ZNF487: variants seen among roughly 807,000 people sequenced by gnomAD.
ZNF487 encodes KRAB domain only 1.
ZNF487 carries 4 observed loss-of-function variants against 3.0 expected under a neutral mutation model. The observed-to-expected ratio is 1.35, with a 90% CI of 0.66 to 3.08. The LOEUF (loss-of-function observed/expected upper bound fraction) is 3.08. Among genes scored for constraint, ZNF487 ranks in the 30% most tolerant of loss-of-function variants. The pLI is 0.01. For missense variants in ZNF487, 146 were observed against 98.7 expected (o/e 1.48, Z -2.03); for synonymous variants, 55 against 34.6 (o/e 1.59, Z -2.06).
chr10:43,518,689 A>G, the ZNF487 span, among the ~76,000 whole-genome samples: 1 of 152,184 alleles, frequency 6.6e-6, no homozygotes, highest in Non-Finnish European at 1.5e-5. Context: ...TAACATATCT[A>G]TTAGATGGAT....
chr10:43,508,019 C>G, the ZNF487 span, among the ~76,000 whole-genome samples: 5 of 152,372 alleles, frequency 3.3e-5, no homozygotes, highest in South Asian at 2.1e-4. Context: ...GGCCATGGGC[C>G]TTGCAGGTTT....
chr10:43,505,928 C>T, the ZNF487 span, among the ~76,000 whole-genome samples: 1 of 152,224 alleles, frequency 6.6e-6, no homozygotes, highest in African/African-American at 2.4e-5. Flanking sequence ...CAGGCGTGAG[C>T]CATCACACCC....
chr10:43,503,715 C>T, the ZNF487 span, among the ~76,000 whole-genome samples: 40 of 152,310 alleles, frequency 2.6e-4, no homozygotes, highest in African/African-American at 7.7e-4. Context: ...AATCGATCCT[C>T]CCACCTCAGC....
intron 3 of ZNF487, among the ~76,000 whole-genome samples, chr10:43,480,751 T>C (rs1365968905): frequency 6.6e-6 from 1 of 151,758 alleles, no homozygotes; most frequent in Non-Finnish European, 1.5e-5. Flanking sequence ...AATAATTCAA[T>C]GGGCACAGTT....
the ZNF487 span, among the ~76,000 whole-genome samples, chr10:43,517,340 A>G: frequency 6.6e-6 from 1 of 152,234 alleles, no homozygotes. Context: ...TTCCTCATTT[A>G]CAAGTTTTAC....
At chr10:43,518,821 T>TA in the ZNF487 span, among the ~76,000 whole-genome samples, 6 of 152,218 alleles carry the variant, frequency 3.9e-5, no homozygotes, top group African/African-American at 1.4e-4. Flanking sequence ...TCTCAAGACT[T>TA]AAAGCTTGTG....
At chr10:43,490,009 A>T in the ZNF487 span, among the ~76,000 whole-genome samples, 1 of 152,208 alleles carries the variant, frequency 6.6e-6, no homozygotes, top group African/African-American at 2.4e-5. Flanking sequence ...TTTATATACT[A>T]TAGACAAGAA....
chr10:43,522,867 C>T, the ZNF487 span, among the ~76,000 whole-genome samples: 1 of 152,172 alleles, frequency 6.6e-6, no homozygotes, highest in South Asian at 2.1e-4. Context: ...TTTTTCTTTG[C>T]CGTCACCCCT....
the ZNF487 span, among the ~76,000 whole-genome samples, chr10:43,516,961 C>A: frequency 9.2e-5 from 14 of 152,330 alleles, no homozygotes; most frequent in East Asian, 2.7e-3. Flanking sequence ...ACACAGTATG[C>A]CTCTACCAGG....
At chr10:43,476,986 A>G (rs966896136) in intron 3 of ZNF487, among the ~76,000 whole-genome samples, 1 of 152,304 alleles carries the variant, frequency 6.6e-6, no homozygotes, top group East Asian at 1.9e-4. Context: ...CATTAACTGG[A>G]TGGGAGAAAA....
chr10:43,452,278 T>G (rs1228330952), intron 1 of ZNF487: 1 of 152,212 alleles, frequency 6.6e-6, no homozygotes, highest in East Asian at 1.9e-4. Flanking sequence ...TGCTTCCTCT[T>G]TTGGCTCTAA....
intron 1 of ZNF487, among the ~76,000 whole-genome samples, chr10:43,444,161 T>C (rs1462901663): frequency 1.3e-5 from 2 of 152,128 alleles, no homozygotes; most frequent in Non-Finnish European, 2.9e-5. Flanking sequence ...CTCCTAAAAG[T>C]TTTCTAACAA....
At chr10:43,437,946 T>A (rs969654614) in intron 1 of ZNF487, among the ~76,000 whole-genome samples, 15 of 152,090 alleles carry the variant, frequency 9.9e-5, no homozygotes, top group African/African-American at 2.9e-4. Context: ...CTGCTTTAGC[T>A]TTCCAAAGTG....
the ZNF487 span, among the ~76,000 whole-genome samples, chr10:43,498,945 A>G: frequency 6.6e-6 from 1 of 151,792 alleles, no homozygotes; most frequent in Admixed American, 6.6e-5. Context: ...CCGTCTCAAA[A>G]AAAAAAAAAA....
At chr10:43,498,126 T>G in the ZNF487 span, among the ~76,000 whole-genome samples, 5 of 33,524 alleles carry the variant, frequency 1.5e-4, 1 homozygote, top group African/African-American at 6.1e-4. Context: ...TTTTTTTTTT[T>G]TTTTTTTTTT....
the ZNF487 span, among the ~76,000 whole-genome samples, chr10:43,498,053 A>C: frequency 8.1e-6 from 1 of 122,902 alleles, no homozygotes; most frequent in African/African-American, 3.2e-5. Flanking sequence ...CAGCATACCT[A>C]CTCTGTCCTG....
At chr10:43,438,424 G>T (rs2132023376) in intron 1 of ZNF487, among the ~76,000 whole-genome samples, 1 of 152,242 alleles carries the variant, frequency 6.6e-6, no homozygotes, top group South Asian at 2.1e-4. Context: ...GACCTCAGGT[G>T]ATCCACCTGC....
intron 3 of ZNF487, among the ~76,000 whole-genome samples, chr10:43,480,546 G>T (rs577242436): frequency 4.6e-4 from 70 of 152,182 alleles, no homozygotes; most frequent in Admixed American, 7.9e-4. Flanking sequence ...CTCCCGAGTA[G>T]CTGGGATTAC....
intron 1 of ZNF487, among the ~76,000 whole-genome samples, chr10:43,440,799 TATA>T (rs1839572171): frequency 6.6e-6 from 1 of 152,160 alleles, no homozygotes; most frequent in African/African-American, 2.4e-5. Context: ...TGCTTTTCTT[TATA>T]ATTTGACTAA....
Sources: allele counts gnomAD v4.1 joint callset (sites outside exome capture counted in the v4.1 genomes callset), GRCh38; gene constraint gnomAD v4.1.1; transcripts MANE v1.5; gene names NCBI Gene and HGNC (gene_info 2026-07-23, HGNC 2026-07-21).